TMEM255A: variants seen among roughly 807,000 people sequenced by gnomAD.
The protein encoded by TMEM255A is family with sequence similarity 70, member A.
Under a neutral mutation model 23.5 loss-of-function variants are expected in TMEM255A, and 14 were observed. The observed-to-expected ratio is 0.60, with a 90% CI of 0.39 to 0.93. The LOEUF is 0.93. Among genes scored for constraint, TMEM255A ranks in the 40% least tolerant of loss-of-function variants. The pLI is 0.00. For synonymous variants in TMEM255A, 104 were observed against 100.3 expected (o/e 1.04, Z -0.22); for missense variants, 233 against 261.7 (o/e 0.89, Z 0.76).
intron 2 of TMEM255A, 111 bp downstream of exon 2, chrX:120,304,238 G>T (rs782603493): frequency 1.2e-6 from 1 of 845,012 alleles, no homozygotes; most frequent in East Asian, 3.2e-5. Context: ...TACAAAGGAG[G>T]AAATCTGAGC....
At chrX:120,307,976 A>G (rs782619737) in intron 1 of TMEM255A, among the ~76,000 whole-genome samples, 4 of 111,367 alleles carry the variant, frequency 3.6e-5, no homozygotes, top group Admixed American at 9.4e-5. Flanking sequence ...CCCTTCCAAA[A>G]ACAACCAGCT....
At chrX:120,273,228 C>G (rs782290591) in intron 7 of TMEM255A, 16 of 219,895 alleles carry the variant, frequency 7.3e-5, no homozygotes, top group Admixed American at 3.5e-4. Context: ...AGTAGAATCA[C>G]AGAGCTGAAG....
In TMEM255A at chrX:120,261,001, G is replaced by A; in HGVS notation, c.847C>T (p.Pro283Ser). The change falls in exon 9 of 9, where the codon CCC (proline) becomes TCC (serine). Residue 283 changes from proline to serine, a missense_variant. By Grantham distance (74) the Pro-to-Ser change is moderately conservative. Transcript: ENST00000371369. ...QHSGVFPSSP[P>S]SGLSDEPQSA... ...TGGGGCTCATCAGAAAGTCCAGAGGGAGGGGAGGATGGAAAGACACCGGAA... is the reference window on the plus strand; with the variant it reads ...TGGGGCTCATCAGAAAGTCCAGAGGAAGGGGAGGATGGAAAGACACCGGAA... 5.0e-6 allele frequency: 6 copies of A among 1,194,092 alleles called. No homozygotes were observed. The highest frequency in any genetic ancestry group is 6.7e-6 in the Non-Finnish European group (6 of 889,883).
At chrX:120,254,606 AAATACT>A, downstream of TMEM255A, 1 of 1,211,727 alleles carries the variant, frequency 8.3e-7, no homozygotes, top group Non-Finnish European at 1.1e-6. Context: ...TAATTACTAG[AAATACT>A]AATGATCCAG....
At chrX:120,255,761 A>G, downstream of TMEM255A, 1 of 209,219 alleles carries the variant, frequency 4.8e-6, no homozygotes, top group South Asian at 1.4e-4. Context: ...AGTTATTAGC[A>G]TACCCTAGTA....
chrX:120,286,422 A>G (rs1429822112), intron 5 of TMEM255A, among the ~76,000 whole-genome samples: 1 of 112,274 alleles, frequency 8.9e-6, no homozygotes, highest in African/African-American at 3.2e-5. Flanking sequence ...ACAGTTTCAT[A>G]TGGAGAAATC....
intron 8 of TMEM255A, among the ~76,000 whole-genome samples, chrX:120,265,647 T>C (rs1288529045): frequency 1.8e-5 from 2 of 112,361 alleles, no homozygotes; most frequent in African/African-American, 6.5e-5. Flanking sequence ...GCCCTAGATA[T>C]AAATCCTTAC....
At chrX:120,270,470 A>C (rs1441402896) in intron 7 of TMEM255A, among the ~76,000 whole-genome samples, 17 of 110,194 alleles carry the variant, frequency 1.5e-4, no homozygotes, top group Non-Finnish European at 2.7e-4. Context: ...AACTGAGTCT[A>C]TTCTGAGACA....
chrX:120,304,248 C>A (rs2058049617), intron 2 of TMEM255A, 101 bp downstream of exon 2: 1 of 912,251 alleles, frequency 1.1e-6, no homozygotes, highest in Non-Finnish European at 1.5e-6. Context: ...GAAATCTGAG[C>A]AAACACTAGA....
Position 120,259,301 on chromosome X carries a change from T to C in TMEM255A, c.*1569A>G, listed in dbSNP as rs1209801281. On this transcript the variant is annotated 3_prime_UTR_variant, in exon 9 of 9. Coordinates refer to ENST00000371369, the MANE Select transcript of TMEM255A (RefSeq NM_001104544.3). Reference sequence around the variant, plus strand: ...TGTATAACATAAAAGGATTATAGTTTTTCGGATTCAAAATCTGGATAAGAA... The same window carrying C: ...TGTATAACATAAAAGGATTATAGTTCTTCGGATTCAAAATCTGGATAAGAA... 1 of 112,914 alleles carries C rather than the reference T, an allele frequency of 8.9e-6. No homozygotes were observed. The highest frequency in any genetic ancestry group is 1.9e-5 in the Non-Finnish European group (1 of 53,308). 9.3% of individuals were successfully genotyped at this position (112,914 alleles called of 1,213,427 possible). A position where few individuals can be genotyped will look rare whatever the true frequency, so the allele number is the denominator to read the frequency against.
In TMEM255A at chrX:120,304,487, T is replaced by C. The variant is rs267606334; in HGVS notation, c.63A>G (p.Ala21=). The C allele has an allele frequency of 1.7e-6, 2 of 1,209,674 alleles. No individual in the cohort carries two copies. The highest frequency in any genetic ancestry group is 4.4e-5 in the Admixed American group (2 of 45,742). The part of the protein sequence containing the change: ...SDMSLPDSMG[A]FNRRKRNSIY... Reference sequence around the variant, plus strand: ...TGGAGTTTCGTTTCCTCCGATTGAATGCTCCTGAAAGCACAGAGAGAAATT... The same window carrying C: ...TGGAGTTTCGTTTCCTCCGATTGAACGCTCCTGAAAGCACAGAGAGAAATT... Residue 21 remains alanine (A), a synonymous_variant, in exon 2 of 9, where the codon GCA becomes GCG. Transcript: ENST00000371369.
At chrX:120,279,235 A>G (rs2057820844) in intron 6 of TMEM255A, among the ~76,000 whole-genome samples, 1 of 112,177 alleles carries the variant, frequency 8.9e-6, no homozygotes, top group Admixed American at 9.4e-5. Flanking sequence ...TCAGCCTCCC[A>G]AAGTGCTGGG....
intron 4 of TMEM255A, among the ~76,000 whole-genome samples, chrX:120,291,044 C>T (rs2057911027): frequency 9.0e-6 from 1 of 111,437 alleles, no homozygotes; most frequent in African/African-American, 3.3e-5. Context: ...GGAGTTTGTT[C>T]CCCCAGCTTA....
chrX:120,266,333 C>A (rs1195541921), intron 8 of TMEM255A, among the ~76,000 whole-genome samples: 1 of 109,684 alleles, frequency 9.1e-6, no homozygotes, highest in Admixed American at 9.7e-5. Flanking sequence ...TCCCCTGACC[C>A]CCCACCCCCA....
At position 120,290,055 on chromosome X, in the gene TMEM255A, G is replaced by C. The variant is rs1252542371; in HGVS notation, c.354+1196C>G. Among the ~76,000 whole-genome samples the C allele has an allele frequency of 3.6e-5, 4 of 111,597 alleles. No homozygotes were observed. The East Asian group carries it at 1.1e-3, about 31-fold the overall frequency. ...TGTGGAGGTGAAAGCTAAAGGGTAT[G>C]GGATTTCTTTTCAAGATGATGAAAA... On this transcript the variant is annotated intron_variant, in intron 4 of 8. Transcript: ENST00000371369.
chrX:120,275,784 A>ATTTTTTTTTTT lies in TMEM255A; in HGVS notation c.675+1090_675+1100dup, dbSNP rs11342181. On this transcript the variant is annotated intron_variant, in intron 7 of 8. Coordinates refer to ENST00000371369, the MANE Select transcript of TMEM255A (RefSeq NM_001104544.3). ...GAATCTTTAGAGAAGGAGCCCAAGC[A>ATTTTTTTTTTT]TTTTTTTTTTTTTTTTTTTTTTTTT... Among the ~76,000 whole-genome samples, 164 of 60,248 alleles carry ATTTTTTTTTTT rather than the reference A, an allele frequency of 2.7e-3. 14 individuals are homozygous for ATTTTTTTTTTT. The highest frequency in any genetic ancestry group is 0.012 in the African/African-American group (163 of 14,093). 52.3% of individuals were successfully genotyped at this position (60,248 alleles called of 115,157 possible).
chrX:120,280,340 G>A (rs1461119694), intron 6 of TMEM255A, among the ~76,000 whole-genome samples: 3 of 110,949 alleles, frequency 2.7e-5, no homozygotes, highest in Non-Finnish European at 5.7e-5. Context: ...GAATAGGATA[G>A]TAGTTTGTTT....
chrX:120,309,961 G>A (rs186519492), intron 1 of TMEM255A: 12 of 111,602 alleles, frequency 1.1e-4, no homozygotes, highest in African/African-American at 3.3e-4. Flanking sequence ...CCACCATCCA[G>A]GAGATAACAC....
At chrX:120,265,520 A>G (rs2057710760) in intron 8 of TMEM255A, among the ~76,000 whole-genome samples, 1 of 112,059 alleles carries the variant, frequency 8.9e-6, no homozygotes, top group Non-Finnish European at 1.9e-5. Context: ...AGTCCAGTAG[A>G]AAGTATAAAT....
Sources: allele counts gnomAD v4.1 joint callset (sites outside exome capture counted in the v4.1 genomes callset), GRCh38; gene constraint gnomAD v4.1.1; transcripts MANE v1.5; gene names NCBI Gene and HGNC (gene_info 2026-07-23, HGNC 2026-07-21).